Variants in BRF1 observed in about 807,000 individuals in gnomAD.
BRF1 encodes transcription factor IIIB 90 kDa subunit.
Under a neutral mutation model 81.7 loss-of-function variants are expected in BRF1, and 59 were observed. The ratio of observed to expected loss-of-function variants is 0.72; its 90% CI spans 0.59 to 0.90. BRF1 has a LOEUF of 0.90. Ranked by LOEUF, BRF1 falls within the 40% of genes least tolerant of loss-of-function variation. BRF1 has a pLI of 0.00. For missense variants in BRF1, 1,050 were observed against 936.3 expected, an observed-to-expected ratio of 1.12 and a Z score of -1.58; for synonymous variants, 491 against 395.6, an observed-to-expected ratio of 1.24 and a Z score of -2.86.
intron 1 of BRF1, among the ~76,000 whole-genome samples, chr14:105,312,958 C>T (rs2058385959): frequency 6.6e-6 from 1 of 152,224 alleles, no homozygotes; most frequent in South Asian, 2.1e-4. Context: ...GCTGCATAAC[C>T]TCACAGGCCG....
intron 6 of BRF1, among the ~76,000 whole-genome samples, chr14:105,229,225 G>C (rs768627925): frequency 6.6e-6 from 1 of 152,224 alleles, no homozygotes; most frequent in Non-Finnish European, 1.5e-5. Context: ...GGGAAACACA[G>C]CTTGTGATGG....
intron 3 of BRF1, among the ~76,000 whole-genome samples, chr14:105,259,468 CA>C (rs2056046550): frequency 6.6e-6 from 1 of 152,104 alleles, no homozygotes; most frequent in African/African-American, 2.4e-5. Flanking sequence ...AATATGTCCA[CA>C]AAAAAACTTG....
intron 14 of BRF1, 51 bp downstream of exon 14, chr14:105,218,947 C>T (rs777529290): frequency 2.2e-5 from 36 of 1,611,570 alleles, no homozygotes; most frequent in South Asian, 4.4e-5. Flanking sequence ...ATTTGCCCCC[C>T]GTAACCTGGA....
intron 15 of BRF1, chr14:105,212,411 C>T: frequency 2.0e-6 from 1 of 497,188 alleles, no homozygotes; most frequent in Non-Finnish European, 3.6e-6. Flanking sequence ...CTGCAGACGC[C>T]CCGCTCCCCA....
intron 10 of BRF1, among the ~76,000 whole-genome samples, chr14:105,225,421 C>G (rs1162545845): frequency 6.6e-6 from 1 of 152,122 alleles, no homozygotes; most frequent in African/African-American, 2.4e-5. Context: ...CCGCTTATAC[C>G]CCCTCCCTTT....
At position 105,272,772 on chromosome 14, in the gene BRF1, G is replaced by T; in HGVS notation, c.388C>A (p.His130Asn). 1 of 1,613,930 alleles carries T rather than the reference G, an allele frequency of 6.2e-7. No homozygotes were observed. The highest frequency in any genetic ancestry group is 1.3e-5 in the African/African-American group (1 of 75,036). Residue 130 changes from histidine (H) to asparagine (N), a missense_variant, in exon 3 of 18, where the codon CAC becomes AAC. Physicochemically the swap from His to Asn is moderately conservative, Grantham distance 68. Coordinates refer to ENST00000547530, the MANE Select transcript of BRF1 (RefSeq NM_001519.4). ...RHLTRGRKMA[H>N]VIAACLYLVC... ...AGGTAGAGGCAGGCAGCAATCACGT[G>T]GGCCATCTTCCGGCCGCGGGTCAGG... is the stretch of plus-strand genomic sequence containing the variant.
chr14:105,222,711 C>G (rs1368208347), intron 10 of BRF1, among the ~76,000 whole-genome samples: 2 of 152,020 alleles, frequency 1.3e-5, no homozygotes, highest in African/African-American at 4.8e-5. Flanking sequence ...TCACTGCAAG[C>G]TCCGCCTCCC....
In BRF1 at chr14:105,241,424, A is replaced by T. The variant is rs2054627365; in HGVS notation, c.545-10T>A. On this transcript the variant is annotated splice_polypyrimidine_tract_variant and intron_variant, in intron 5 of 17. Coordinates refer to ENST00000547530, the MANE Select transcript of BRF1 (RefSeq NM_001519.4). ...ATATACAGGCACGGGTCTGCGGCAG[A>T]CACAGCACCTCAGTGCCCACCTCCA... The T allele has an allele frequency of 1.2e-6, 2 of 1,610,356 alleles. No homozygotes were observed. Among genetic ancestry groups the T allele is most frequent in the Non-Finnish European group, 1.7e-6 (2 of 1,179,836 alleles).
chr14:105,225,091 C>G (rs996824321), intron 10 of BRF1, among the ~76,000 whole-genome samples: 1 of 152,186 alleles, frequency 6.6e-6, no homozygotes, highest in Non-Finnish European at 1.5e-5. Flanking sequence ...GCCACATTCC[C>G]GGGACATGCA....
At chr14:105,292,598 G>T (rs1021197056) in intron 1 of BRF1, among the ~76,000 whole-genome samples, 2 of 152,180 alleles carry the variant, frequency 1.3e-5, no homozygotes, top group Admixed American at 1.3e-4. Flanking sequence ...GGTCCCACAG[G>T]TGAGTGCCCA....
At chr14:105,229,631 C>T (rs1197963829) in intron 6 of BRF1, among the ~76,000 whole-genome samples, 41 of 151,082 alleles carry the variant, frequency 2.7e-4, no homozygotes, top group Non-Finnish European at 4.0e-4. Flanking sequence ...AGAACAGTCG[C>T]CCAGCTGGGG....
chr14:105,272,583 G>C (rs1392332405), intron 3 of BRF1, 138 bp downstream of exon 3: 2 of 1,159,534 alleles, frequency 1.7e-6, no homozygotes, highest in Non-Finnish European at 2.3e-6. Context: ...TGGATCAACT[G>C]AAACAGTTCT....
Position 105,296,239 on chromosome 14 carries a change from C to A in BRF1, c.184+4207G>T, listed in dbSNP as rs587598466. On this transcript the variant is annotated intron_variant, in intron 1 of 17. Coordinates refer to ENST00000547530, the MANE Select transcript of BRF1 (RefSeq NM_001519.4). ...CCCATCTCTACTAAAAATACAAAAA[C>A]TGCGGCCGGGTGCAACAGCTCACAC... Among the ~76,000 whole-genome samples, 47 of 152,048 alleles carry A rather than the reference C, an allele frequency of 3.1e-4. 1 individual carries two copies. The East Asian group carries it at 9.1e-3, about 29-fold the overall frequency.
chr14:105,283,136 A>G (rs1371570578), intron 2 of BRF1, among the ~76,000 whole-genome samples: 3 of 152,118 alleles, frequency 2.0e-5, no homozygotes, highest in Non-Finnish European at 4.4e-5. Context: ...CGGCGGGCCC[A>G]GCCAGCCAAG....
rs587694692 is a variant in BRF1, at chr14:105,280,143, TCAGCAAG to T, written c.265+6146_265+6152del. ...ATAATCGCCCAAGCCCAGATTCCCTTCAGCAAGCAGGTGAAAGGATAAATCAACTGTG... is the reference window on the plus strand; with the variant it reads ...ATAATCGCCCAAGCCCAGATTCCCTTCAGGTGAAAGGATAAATCAACTGTG... On this transcript the variant is annotated intron_variant, in intron 2 of 17. Coordinates refer to ENST00000547530, the MANE Select transcript of BRF1 (RefSeq NM_001519.4). Among the ~76,000 whole-genome samples the T allele has an allele frequency of 3.3e-3, 502 of 152,314 alleles. 3 individuals carry two copies. Among genetic ancestry groups the T allele is most frequent in the East Asian group, 0.014 (75 of 5,186 alleles).
intron 1 of BRF1, 76 bp downstream of exon 1, chr14:105,300,370 C>T (rs2057956154): frequency 7.3e-7 from 1 of 1,378,252 alleles, no homozygotes; most frequent in Non-Finnish European, 9.4e-7. Flanking sequence ...GCGCTGGTCC[C>T]GGCCGCGCCG....
At chr14:105,261,091 C>A (rs1204849364) in intron 3 of BRF1, among the ~76,000 whole-genome samples, 1 of 152,234 alleles carries the variant, frequency 6.6e-6, no homozygotes, top group African/African-American at 2.4e-5. Flanking sequence ...GAGAAGAGGC[C>A]CTGTCTGCGG....
At chr14:105,288,878 C>T (rs587715848) in intron 1 of BRF1, among the ~76,000 whole-genome samples, 1 of 151,400 alleles carries the variant, frequency 6.6e-6, no homozygotes, top group Non-Finnish European at 1.5e-5. Flanking sequence ...CAAAAAAAAA[C>T]TGAAAAAAAT....
chr14:105,249,269 C>T (rs754443062), intron 5 of BRF1: 13 of 1,563,564 alleles, frequency 8.3e-6, no homozygotes, highest in South Asian at 8.1e-5. Flanking sequence ...CGGCCCCTCT[C>T]GGAACGCGTG....
Sources: gnomAD v4.1 joint callset for allele counts (sites outside exome capture counted in the v4.1 genomes callset) on GRCh38, gnomAD v4.1.1 for gene constraint, MANE v1.5 for transcripts, NCBI Gene and HGNC (gene_info 2026-07-23, HGNC 2026-07-21) for gene names.